PLD5: variants seen among roughly 807,000 people sequenced by gnomAD.
The protein encoded by PLD5 is inactive phospholipase D5.
Under a neutral mutation model 61.1 loss-of-function variants are expected in PLD5, and 36 were observed. That is an observed-to-expected ratio of 0.59 (90% CI 0.45 to 0.78). PLD5 has a LOEUF of 0.78. PLD5 is among the 30% of genes least tolerant of loss of function. The probability of loss-of-function intolerance (pLI) is 0.00; values close to 1 mark genes in which losing one functional copy is unlikely to be tolerated. For synonymous variants in PLD5, 243 were observed against 242.8 expected (o/e 1.00, Z -0.01); for missense variants, 515 against 644.4 (o/e 0.80, Z 2.17).
intron 1 of PLD5, among the ~76,000 whole-genome samples, chr1:242,389,649 C>T (rs1309587013): frequency 6.6e-6 from 1 of 151,848 alleles, no homozygotes; most frequent in Admixed American, 6.6e-5. Flanking sequence ...ATTCCTATAC[C>T]CTTCCTTGGG....
At chr1:242,276,658 C>T (rs1472671026) in intron 3 of PLD5, among the ~76,000 whole-genome samples, 1 of 151,404 alleles carries the variant, frequency 6.6e-6, no homozygotes, top group African/African-American at 2.4e-5. Context: ...CATCTCTTCA[C>T]AGATGTCCCA....
intron 2 of PLD5, among the ~76,000 whole-genome samples, chr1:242,331,756 A>T (rs1659187326): frequency 6.6e-6 from 1 of 152,198 alleles, no homozygotes; most frequent in African/African-American, 2.4e-5. Context: ...GTCCGAACTC[A>T]ATACTCATTC....
Position 242,382,464 on chromosome 1 carries a change from G to A in PLD5, c.190-34222C>T, listed in dbSNP as rs1572022702. Among the ~76,000 whole-genome samples, 5 of 152,234 alleles carry A rather than the reference G, an allele frequency of 3.3e-5. No individual in the cohort carries two copies. In the South Asian group the frequency reaches 1.0e-3, roughly 32 times the overall value. On this transcript the variant is annotated intron_variant, in intron 1 of 9. Coordinates refer to ENST00000536534, the MANE Select transcript of PLD5 (RefSeq NM_001372062.1). The stretch of plus-strand genomic sequence containing the variant: ...AGACTGTGAGGTGGGAATGTAATTA[G>A]GTGACAGTGGTGGCCTGGAAGCTAA...
intron 2 of PLD5, among the ~76,000 whole-genome samples, chr1:242,333,919 T>C (rs951766179): frequency 2.6e-5 from 4 of 152,238 alleles, no homozygotes; most frequent in East Asian, 1.9e-4. Context: ...CTTAGGTTGA[T>C]TGCATATCTT....
At chr1:242,414,465 A>G (rs534263749) in intron 1 of PLD5, among the ~76,000 whole-genome samples, 2 of 152,314 alleles carry the variant, frequency 1.3e-5, no homozygotes, top group South Asian at 2.1e-4. Flanking sequence ...GTCAATAAGC[A>G]TTAGAAAGGA....
intron 2 of PLD5, among the ~76,000 whole-genome samples, chr1:242,321,660 C>T (rs1157829258): frequency 6.6e-6 from 1 of 152,048 alleles, no homozygotes; most frequent in African/African-American, 2.4e-5. Context: ...CTCTTCTCTC[C>T]CTCCCATAAC....
chr1:242,391,380 G>T (rs1312152444), intron 1 of PLD5, among the ~76,000 whole-genome samples: 1 of 152,040 alleles, frequency 6.6e-6, no homozygotes, highest in African/African-American at 2.4e-5. Flanking sequence ...AGGAAAAAAA[G>T]AACAAATGGA....
At chr1:242,529,777 A>ATCTTCCTTCCTT in the PLD5 span, among the ~76,000 whole-genome samples, 7 of 74,398 alleles carry the variant, frequency 9.4e-5, no homozygotes, top group African/African-American at 2.1e-4. Context: ...TGGCACTGGG[A>ATCTTCCTTCCTT]TCTTCCTTCC....
chr1:242,327,303 G>A (rs1245202134), intron 2 of PLD5, among the ~76,000 whole-genome samples: 1 of 152,124 alleles, frequency 6.6e-6, no homozygotes, highest in Non-Finnish European at 1.5e-5. Context: ...CACTGCACCA[G>A]CCTCATCTTT....
At chr1:242,247,144 C>T (rs376692401) in intron 4 of PLD5, among the ~76,000 whole-genome samples, 88 of 151,984 alleles carry the variant, frequency 5.8e-4, no homozygotes, top group African/African-American at 1.7e-3. Context: ...CCACCATGCC[C>T]GGCTAATTTT....
chr1:242,424,503 C>T (rs551335662), intron 1 of PLD5, among the ~76,000 whole-genome samples: 32 of 152,164 alleles, frequency 2.1e-4, no homozygotes, highest in African/African-American at 7.7e-4. Context: ...ATCCCACCTT[C>T]TCCTTTTCCC....
chr1:242,183,787 G>C (rs979525173), intron 5 of PLD5, among the ~76,000 whole-genome samples: 1 of 118,440 alleles, frequency 8.4e-6, no homozygotes, highest in African/African-American at 4.2e-5. Flanking sequence ...CCAGCTACTG[G>C]GGAGGTCTGA....
intron 4 of PLD5, among the ~76,000 whole-genome samples, chr1:242,257,024 T>G (rs1248248786): frequency 1.4e-5 from 2 of 139,140 alleles, no homozygotes; most frequent in African/African-American, 5.4e-5. Context: ...TCTATCTATA[T>G]CTACCTACCT....
At position 242,516,317 on chromosome 1, in the gene PLD5, T is replaced by C. The variant is rs188635844; in HGVS notation, c.189+7771A>G. 5.9e-3 allele frequency among the ~76,000 whole-genome samples: 891 copies of C among 149,898 alleles called. 11 individuals carry two copies. The highest frequency in any genetic ancestry group is 0.02 in the African/African-American group (835 of 40,974). ...ACTTTGTGACTTGTCTCTCATGCTA[T>C]TAATCAAATATTTTATACACAAAAG... On this transcript the variant is annotated intron_variant, in intron 1 of 9. Transcript: ENST00000536534.
chr1:242,382,751 CATTT>C lies in PLD5; in HGVS notation c.190-34513_190-34510del, dbSNP rs374932188. On this transcript the variant is annotated intron_variant, in intron 1 of 9. Transcript: ENST00000536534. ...TTGAAAACATATAAAACAGTTAAGA[CATTT>C]ATTACATTAGTATTTTATATTAAAA... 1.2e-3 allele frequency among the ~76,000 whole-genome samples: 189 copies of C among 152,184 alleles called. 1 individual carries two copies. Among genetic ancestry groups the C allele is most frequent in the African/African-American group, 4.3e-3 (180 of 41,512 alleles).
Position 242,233,888 on chromosome 1 carries a change from T to C in PLD5, c.608-13773A>G, listed in dbSNP as rs921441460. Among the ~76,000 whole-genome samples, 6 of 152,242 alleles carry C rather than the reference T, an allele frequency of 3.9e-5. No homozygotes were observed. In the South Asian group the frequency reaches 8.3e-4, roughly 21 times the overall value. Reference sequence around the variant, plus strand: ...TGGCCTCCAACAAAGTCAGACTAAATGTACTGGGGCGGAAAAGGAGCCAGC... The same window carrying C: ...TGGCCTCCAACAAAGTCAGACTAAACGTACTGGGGCGGAAAAGGAGCCAGC... On this transcript the variant is annotated intron_variant, in intron 4 of 9. Transcript: ENST00000536534.
chr1:242,389,275 C>T (rs1662781282), intron 1 of PLD5, among the ~76,000 whole-genome samples: 1 of 152,100 alleles, frequency 6.6e-6, no homozygotes, highest in East Asian at 1.9e-4. Flanking sequence ...ATGCTAGCCC[C>T]CTGGTATACA....
At chr1:242,433,182 T>C (rs1665812711) in intron 1 of PLD5, among the ~76,000 whole-genome samples, 1 of 152,236 alleles carries the variant, frequency 6.6e-6, no homozygotes. Context: ...ATAGCTTATG[T>C]TCAACAAGGC....
At position 242,437,679 on chromosome 1, in the gene PLD5, T is replaced by C. The variant is rs547740021; in HGVS notation, c.189+86409A>G. Among the ~76,000 whole-genome samples the C allele has an allele frequency of 9.9e-4, 115 of 116,536 alleles. 1 individual carries two copies. The highest frequency in any genetic ancestry group is 4.4e-3 in the African/African-American group (110 of 24,918). 76.5% of individuals were successfully genotyped at this position (116,536 alleles called of 152,430 possible). On this transcript the variant is annotated intron_variant, in intron 1 of 9. Coordinates refer to ENST00000536534, the MANE Select transcript of PLD5 (RefSeq NM_001372062.1). Reference sequence around the variant, plus strand: ...TCCAGCCTGGGCAACACAGCAAGTTTACGTCTCAAAAAAAAAAAATTTAGT... The same window carrying C: ...TCCAGCCTGGGCAACACAGCAAGTTCACGTCTCAAAAAAAAAAAATTTAGT...
Sources: allele counts gnomAD v4.1 joint callset (sites outside exome capture counted in the v4.1 genomes callset), GRCh38; gene constraint gnomAD v4.1.1; transcripts MANE v1.5; gene names NCBI Gene and HGNC (gene_info 2026-07-23, HGNC 2026-07-21).